FAM76B: variants seen among roughly 807,000 people sequenced by gnomAD.
The protein encoded by FAM76B is family with sequence similarity 76 member B.
Under a neutral mutation model 51.8 loss-of-function variants are expected in FAM76B, and 16 were observed. That is an observed-to-expected ratio of 0.31 (90% CI 0.21 to 0.47). FAM76B has a LOEUF of 0.47. Among genes scored for constraint, FAM76B ranks in the 20% least tolerant of loss-of-function variants. The pLI is 1.00. For synonymous variants in FAM76B, 166 were observed against 129.5 expected (o/e 1.28, Z -1.91); for missense variants, 342 against 392.6 (o/e 0.87, Z 1.09).
chr11:95,789,054 AGAAAACCGAGAT>A lies in FAM76B; in HGVS notation c.87+326_87+337del, dbSNP rs1211453898. ...GGTGGAAGAAGAGGACAGACCAGGCAGAAAACCGAGATGAAAACATCTCCACCCCTGGGTCTC... is the reference window on the plus strand; with the variant it reads ...GGTGGAAGAAGAGGACAGACCAGGCAGAAAACATCTCCACCCCTGGGTCTC... On this transcript the variant is annotated intron_variant, in intron 1 of 9. Coordinates refer to ENST00000358780, the MANE Select transcript of FAM76B (RefSeq NM_144664.5). 34 of 1,377,966 alleles carry A rather than the reference AGAAAACCGAGAT, an allele frequency of 2.5e-5. 1 individual carries two copies. The Middle Eastern group carries it at 1.6e-3, about 64-fold the overall frequency. 85.4% of individuals were successfully genotyped at this position (1,377,966 alleles called of 1,614,324 possible).
At chr11:95,786,342 G>A (rs3748253) in intron 3 of FAM76B, 68 bp from the exon 4 acceptor site, 600,488 of 1,512,304 alleles carry the variant, frequency 0.4, 122,109 homozygotes, top group Non-Finnish European at 0.42. Context: ...TATACCCAGT[G>A]TTGTAGACAT....
At chr11:95,781,137 C>A (rs1458964074) in intron 5 of FAM76B, among the ~76,000 whole-genome samples, 1 of 150,834 alleles carries the variant, frequency 6.6e-6, no homozygotes, top group Admixed American at 6.6e-5. Flanking sequence ...CATGAACTAA[C>A]AGCACTAACC....
chr11:95,782,702 A>G (rs1860340615), intron 5 of FAM76B, among the ~76,000 whole-genome samples: 1 of 152,318 alleles, frequency 6.6e-6, no homozygotes, highest in East Asian at 1.9e-4. Flanking sequence ...AAACAAATTG[A>G]CAACTAAAAT....
At chr11:95,788,427 G>A (rs565126433) in intron 2 of FAM76B, 72 bp downstream of exon 2, 1 of 1,218,084 alleles carries the variant, frequency 8.2e-7, no homozygotes, top group South Asian at 1.3e-5. Flanking sequence ...AAAAACATGG[G>A]ATTACAACCC....
chr11:95,782,938 C>T, intron 5 of FAM76B, 127 bp downstream of exon 5: 1 of 1,196,834 alleles, frequency 8.4e-7, no homozygotes, highest in Non-Finnish European at 1.2e-6. Flanking sequence ...CTTAGACACT[C>T]AAGATGCTTA....
rs548256867 is a variant in FAM76B at position 95,788,844 on chromosome 11, C to T, written c.88-281G>A. The T allele has an allele frequency of 3.5e-6, 5 of 1,416,678 alleles. No homozygotes were observed. The East Asian group carries it at 1.7e-4, about 48-fold the overall frequency. The allele number at this position is 1,416,678 out of a possible 1,614,324, so 87.8% of individuals were successfully genotyped here. On this transcript the variant is annotated intron_variant, in intron 1 of 9. Coordinates refer to ENST00000358780, the MANE Select transcript of FAM76B (RefSeq NM_144664.5). ...CAAGGATTGGTTAAATGTGAAACTACTTATTATTTTGCACCGTTGCTCACA... is the reference window on the plus strand; with the variant it reads ...CAAGGATTGGTTAAATGTGAAACTATTTATTATTTTGCACCGTTGCTCACA...
intron 9 of FAM76B, among the ~76,000 whole-genome samples, chr11:95,775,191 T>C (rs925389092): frequency 1.3e-5 from 2 of 151,446 alleles, no homozygotes; most frequent in Admixed American, 1.3e-4. Flanking sequence ...GAACATGTAA[T>C]TAATTTAGTG....
chr11:95,779,258 G>T, intron 7 of FAM76B: 1 of 751,802 alleles, frequency 1.3e-6, no homozygotes, highest in Non-Finnish European at 2.1e-6. Context: ...ACAAAGTAAC[G>T]CTCATAATAT....
At chr11:95,782,521 A>G (rs1481146192) in intron 5 of FAM76B, among the ~76,000 whole-genome samples, 1 of 152,148 alleles carries the variant, frequency 6.6e-6, no homozygotes, top group Non-Finnish European at 1.5e-5. Flanking sequence ...CTATTTAAGT[A>G]GAGTTCCTAA....
intron 7 of FAM76B, 25 bp downstream of exon 7, chr11:95,779,582 T>C: frequency 6.3e-7 from 1 of 1,576,406 alleles, no homozygotes; most frequent in South Asian, 1.2e-5. Flanking sequence ...TGAATTTTCA[T>C]AACACTAAAA....
At chr11:95,777,545 T>C (rs574812364) in intron 8 of FAM76B, among the ~76,000 whole-genome samples, 6 of 151,516 alleles carry the variant, frequency 4.0e-5, no homozygotes, top group African/African-American at 1.4e-4. Flanking sequence ...TCTCTAAAAC[T>C]TTGTACACAG....
chr11:95,788,977 T>A (rs1480088868), intron 1 of FAM76B: 1 of 1,348,202 alleles, frequency 7.4e-7, no homozygotes, highest in African/African-American at 1.5e-5. Context: ...GCCATCAGCT[T>A]TGCGGCTTCG....
In FAM76B at chr11:95,771,464, CA is replaced by C; in HGVS notation, c.*96del. On this transcript the variant is annotated 3_prime_UTR_variant, in exon 10 of 10. Coordinates refer to ENST00000358780, the MANE Select transcript of FAM76B (RefSeq NM_144664.5). Reference sequence around the variant, plus strand: ...GAAACACACCAATTCATTTGGTGTGCAAAAATATTTTTCTACTACACAGAAT... The same window carrying C: ...GAAACACACCAATTCATTTGGTGTGCAAAATATTTTTCTACTACACAGAAT... 1.2e-6 allele frequency: 1 copy of C among 832,554 alleles called. No individual in the cohort carries two copies. The highest frequency in any genetic ancestry group is 1.9e-6 in the Non-Finnish European group (1 of 533,182). 51.6% of individuals were successfully genotyped at this position (832,554 alleles called of 1,614,324 possible). A position where few individuals can be genotyped will look rare whatever the true frequency, so the allele number is the denominator to read the frequency against.
chr11:95,774,911 T>C (rs1478500337), intron 9 of FAM76B, among the ~76,000 whole-genome samples: 1 of 150,952 alleles, frequency 6.6e-6, no homozygotes, highest in Non-Finnish European at 1.5e-5. Context: ...AGCAAGTTCC[T>C]AAATCCTACT....
intron 8 of FAM76B, among the ~76,000 whole-genome samples, chr11:95,776,431 T>G (rs977353031): frequency 5.9e-5 from 9 of 151,536 alleles, no homozygotes; most frequent in African/African-American, 2.2e-4. Flanking sequence ...AATCTTTCAA[T>G]GCTTAAAGAA....
At position 95,779,937 on chromosome 11, in the gene FAM76B, C is replaced by T. The variant is rs555948943; in HGVS notation, c.564-11G>A. Reference sequence around the variant, plus strand: ...CTTAGATTGCTGATTCTGAAAAATACACAAATGACATCTAATAATGACATT... The same window carrying T: ...CTTAGATTGCTGATTCTGAAAAATATACAAATGACATCTAATAATGACATT... On this transcript the variant is annotated splice_polypyrimidine_tract_variant and intron_variant, in intron 5 of 9. Coordinates refer to ENST00000358780, the MANE Select transcript of FAM76B (RefSeq NM_144664.5). 9 of 1,601,132 alleles carry T rather than the reference C, an allele frequency of 5.6e-6. No homozygotes were observed. The highest frequency in any genetic ancestry group is 1.3e-5 in the African/African-American group (1 of 74,368).
At position 95,789,772 on chromosome 11, in the gene FAM76B, G is replaced by A. The variant is rs1170466313; in HGVS notation, c.-294C>T. The A allele has an allele frequency of 3.1e-5, 11 of 356,820 alleles. No individual in the cohort carries two copies. Among genetic ancestry groups the A allele is most frequent in the Non-Finnish European group, 5.0e-5 (10 of 198,856 alleles). The allele number at this position is 356,820 out of a possible 1,614,324, so 22.1% of individuals were successfully genotyped here. ...TAGGGGGTTGCTGTTTAGCTGTGCGGCCGTGGATCCGCTTCCTTCTCGGCC... is the reference window on the plus strand; with the variant it reads ...TAGGGGGTTGCTGTTTAGCTGTGCGACCGTGGATCCGCTTCCTTCTCGGCC... On this transcript the variant is annotated 5_prime_UTR_variant, in exon 1 of 10. Transcript: ENST00000358780.
chr11:95,775,571 T>C (rs150238273), intron 9 of FAM76B, among the ~76,000 whole-genome samples: 2,687 of 151,522 alleles, frequency 0.018, 43 homozygotes, highest in South Asian at 0.064. Context: ...TGAGGAATGA[T>C]TGCTACTGAA....
intron 7 of FAM76B, 49 bp downstream of exon 7, chr11:95,779,558 C>A: frequency 3.4e-6 from 5 of 1,462,612 alleles, no homozygotes; most frequent in Non-Finnish European, 4.7e-6. Context: ...TCAACCATAA[C>A]TATTCAACTA....
Sources: gnomAD v4.1 joint callset for allele counts (sites outside exome capture counted in the v4.1 genomes callset) on GRCh38, gnomAD v4.1.1 for gene constraint, MANE v1.5 for transcripts, NCBI Gene and HGNC (gene_info 2026-07-23, HGNC 2026-07-21) for gene names.